Variants in HDAC9 observed in about 807,000 individuals in gnomAD.
HDAC9 encodes the protein MEF-2 interacting transcription repressor (MITR) protein.
Under a neutral mutation model 139.4 loss-of-function variants are expected in HDAC9, and 41 were observed. The ratio of observed to expected loss-of-function variants is 0.29; its 90% confidence interval spans 0.23 to 0.38. The LOEUF (loss-of-function observed/expected upper bound fraction) is 0.38. Ranked by LOEUF, HDAC9 falls within the 10% of genes least tolerant of loss-of-function variation. The pLI is 1.00. For synonymous variants in HDAC9, 517 were observed against 476.2 expected, an observed-to-expected ratio of 1.09 and a Z score of -1.12; for missense variants, 1,147 against 1,297.0, an observed-to-expected ratio of 0.88 and a Z score of 1.78.
chr7:18,180,226 T>TACAC (rs67304424), intron 2 of HDAC9, among the ~76,000 whole-genome samples: 3,787 of 120,586 alleles, frequency 0.031, 79 homozygotes, highest in African/African-American at 0.049. Flanking sequence ...CCAAGACACA[T>TACAC]ACACACACAC....
intron 2 of HDAC9, among the ~76,000 whole-genome samples, chr7:18,218,317 G>A (rs780132412): frequency 5.3e-5 from 8 of 152,108 alleles, no homozygotes; most frequent in Middle Eastern, 3.4e-3. Flanking sequence ...GGTGGTACAC[G>A]CCTGTAATCC....
At chr7:18,172,974 G>T (rs1271527033) in intron 2 of HDAC9, among the ~76,000 whole-genome samples, 1 of 152,112 alleles carries the variant, frequency 6.6e-6, no homozygotes, top group African/African-American at 2.4e-5. Context: ...GGTCTGCTTG[G>T]TGCAGAGCTG....
At chr7:18,621,390 A>T (rs1446390324) in intron 6 of HDAC9, among the ~76,000 whole-genome samples, 3 of 152,050 alleles carry the variant, frequency 2.0e-5, no homozygotes, top group Admixed American at 1.3e-4. Context: ...AATTTATTAT[A>T]AAATTAGCAC....
At chr7:18,644,639 G>T (rs1383463880) in intron 8 of HDAC9, 32 bp from the exon 9 acceptor site, 8 of 1,580,144 alleles carry the variant, frequency 5.1e-6, no homozygotes, top group South Asian at 1.2e-5. Context: ...GTGATACTGT[G>T]GTATTTTGAG....
chr7:18,524,229 A>G (rs541033415), intron 2 of HDAC9, among the ~76,000 whole-genome samples: 5 of 152,320 alleles, frequency 3.3e-5, no homozygotes, highest in Non-Finnish European at 5.9e-5. Flanking sequence ...ATTAACTGCC[A>G]TATTTCTTGT....
intron 1 of HDAC9, among the ~76,000 whole-genome samples, chr7:18,153,818 C>G (rs976377089): frequency 6.6e-6 from 1 of 152,038 alleles, no homozygotes; most frequent in Admixed American, 6.6e-5. Flanking sequence ...GGGCAATGGC[C>G]CTGGTGACTT....
rs114260029 is a variant in HDAC9 at position 18,909,668 on chromosome 7, C to T, written c.2804-26141C>T. ...TTTTAAATTTTAGATTCATTACATACTATGTGCAGGTTCATTGCATGGATA... is the reference window on the plus strand; with the variant it reads ...TTTTAAATTTTAGATTCATTACATATTATGTGCAGGTTCATTGCATGGATA... On this transcript the variant is annotated intron_variant, in intron 22 of 25. Transcript: ENST00000686413. Among the ~76,000 whole-genome samples, 346 of 152,004 alleles carry T rather than the reference C, an allele frequency of 2.3e-3. 4 individuals are homozygous for T. Among genetic ancestry groups the T allele is most frequent in the African/African-American group, 7.9e-3 (329 of 41,526 alleles).
At chr7:18,258,376 G>A (rs778287248) in intron 2 of HDAC9, among the ~76,000 whole-genome samples, 2 of 152,038 alleles carry the variant, frequency 1.3e-5, no homozygotes. Context: ...GTGGTGTTTG[G>A]TTAAACGAAT....
intron 16 of HDAC9, among the ~76,000 whole-genome samples, chr7:18,777,151 G>A (rs1790840624): frequency 1.3e-5 from 2 of 152,052 alleles, no homozygotes; most frequent in African/African-American, 4.8e-5. Flanking sequence ...CCTGGGCTGT[G>A]AGATATCTCT....
chr7:18,360,158 A>T (rs141004827), intron 1 of HDAC9, among the ~76,000 whole-genome samples: 3 of 152,310 alleles, frequency 2.0e-5, no homozygotes, highest in African/African-American at 7.2e-5. Context: ...TAATTAAGAG[A>T]TTAATCTCCA....
intron 2 of HDAC9, among the ~76,000 whole-genome samples, chr7:18,506,487 T>G (rs1799797878): frequency 6.6e-6 from 1 of 152,180 alleles, no homozygotes; most frequent in Non-Finnish European, 1.5e-5. Flanking sequence ...TTTTTCACTT[T>G]GTAAGAATGA....
At chr7:18,227,876 C>T (rs10265242) in intron 2 of HDAC9, among the ~76,000 whole-genome samples, 39,754 of 152,008 alleles carry the variant, frequency 0.26, 5,481 homozygotes, top group African/African-American at 0.34. Context: ...ATGAATTATA[C>T]TCTTTGAATG....
chr7:18,527,716 T>A (rs1372961939), intron 2 of HDAC9, among the ~76,000 whole-genome samples: 1 of 152,162 alleles, frequency 6.6e-6, no homozygotes, highest in African/African-American at 2.4e-5. Context: ...TTTTCTTGTA[T>A]TAATATATTC....
chr7:18,640,175 A>C lies in HDAC9; in HGVS notation c.913-4496A>C, dbSNP rs550423871. On this transcript the variant is annotated intron_variant, in intron 8 of 25. Coordinates refer to ENST00000686413, the MANE Select transcript of HDAC9 (RefSeq NM_178425.4). ...CAATTCGGGAGGCTGAGGTGGGAGGATAACTTGAGGCCTGGAGTTTAAGAC... is the reference window on the plus strand; with the variant it reads ...CAATTCGGGAGGCTGAGGTGGGAGGCTAACTTGAGGCCTGGAGTTTAAGAC... Among the ~76,000 whole-genome samples the C allele has an allele frequency of 3.3e-5, 5 of 151,384 alleles. No individual in the cohort carries two copies. The South Asian group carries it at 1.0e-3, about 32-fold the overall frequency.
rs117397867 is a variant in HDAC9, at chr7:18,798,412, A to G, written c.2322+4960A>G. On this transcript the variant is annotated intron_variant, in intron 17 of 25. Transcript: ENST00000686413. ...AAAACAAACCAGCTGAATTTTGGTG[A>G]GAACAGAGAGATTTGTGGTGTTTTA... Among the ~76,000 whole-genome samples the G allele has an allele frequency of 1.8e-4, 27 of 152,326 alleles. No homozygotes were observed. In the East Asian group the frequency reaches 4.8e-3, roughly 27 times the overall value.
At chr7:18,856,162 A>G (rs1334176437) in intron 21 of HDAC9, among the ~76,000 whole-genome samples, 1 of 152,144 alleles carries the variant, frequency 6.6e-6, no homozygotes, top group Non-Finnish European at 1.5e-5. Flanking sequence ...TGGTCCTGAG[A>G]GATACGGCAT....
At chr7:18,514,875 A>C (rs1802675437) in intron 2 of HDAC9, among the ~76,000 whole-genome samples, 1 of 152,054 alleles carries the variant, frequency 6.6e-6, no homozygotes. Context: ...TGAGTCCAGG[A>C]ATTTGAGTTT....
intron 2 of HDAC9, among the ~76,000 whole-genome samples, chr7:18,243,840 CAGG>C (rs1794348016): frequency 6.6e-6 from 1 of 152,146 alleles, no homozygotes. Context: ...AGTTTCACAG[CAGG>C]AGAAGATAGA....
intron 1 of HDAC9, among the ~76,000 whole-genome samples, chr7:18,143,522 A>G (rs1469915838): frequency 1.3e-5 from 2 of 152,194 alleles, no homozygotes; most frequent in East Asian, 3.9e-4. Flanking sequence ...AATGTAATAA[A>G]TTCATAGAGA....
Sources: gnomAD v4.1 joint callset for allele counts (sites outside exome capture counted in the v4.1 genomes callset) on GRCh38, gnomAD v4.1.1 for gene constraint, MANE v1.5 for transcripts, NCBI Gene and HGNC (gene_info 2026-07-23, HGNC 2026-07-21) for gene names.